Variants in PTPRD observed in about 807,000 individuals in gnomAD.
The protein encoded by PTPRD is receptor-type tyrosine-protein phosphatase delta.
In PTPRD, 34 loss-of-function variants were observed where a neutral mutation model predicts 214.5. The observed-to-expected ratio is 0.16, with a 90% confidence interval of 0.12 to 0.21. The LOEUF (loss-of-function observed/expected upper bound fraction) is 0.21. Ranked by LOEUF, PTPRD falls within the 10% of genes least tolerant of loss-of-function variation. PTPRD has a pLI of 1.00. For missense variants in PTPRD, 2,545 were observed against 2,398.7 expected (o/e 1.06, Z -1.27); for synonymous variants, 1,128 against 845.7 (o/e 1.33, Z -5.79).
chr9:9,623,510 T>G (rs1401229611), intron 7 of PTPRD, among the ~76,000 whole-genome samples: 3 of 152,214 alleles, frequency 2.0e-5, no homozygotes, highest in Admixed American at 2.0e-4. Flanking sequence ...ATTGAATCAC[T>G]GGATGAATGA....
intron 5 of PTPRD, among the ~76,000 whole-genome samples, chr9:9,930,946 A>G (rs1054258364): frequency 9.9e-5 from 15 of 152,072 alleles, no homozygotes; most frequent in African/African-American, 3.6e-4. Flanking sequence ...ACTCTCCCGA[A>G]TTCATAATTT....
chr9:8,362,388 CA>C (rs1397703136), intron 39 of PTPRD, among the ~76,000 whole-genome samples: 2 of 152,060 alleles, frequency 1.3e-5, no homozygotes, highest in Admixed American at 1.3e-4. Context: ...AGTCTGAAAC[CA>C]GGTCAATCAT....
At chr9:9,955,154 T>G (rs553852528) in intron 4 of PTPRD, among the ~76,000 whole-genome samples, 89 of 152,262 alleles carry the variant, frequency 5.8e-4, no homozygotes, top group African/African-American at 2.0e-3. Flanking sequence ...TCCTCTTAAG[T>G]AAGCACTGTC....
intron 10 of PTPRD, among the ~76,000 whole-genome samples, chr9:9,046,422 G>A (rs1028844201): frequency 1.6e-4 from 24 of 152,218 alleles, no homozygotes; most frequent in African/African-American, 3.6e-4. Context: ...AGCTGTTATC[G>A]TGAACTGAAT....
At position 8,315,169 on chromosome 9, in the gene PTPRD, GCA is replaced by G. The variant is rs372256278; in HGVS notation, c.*2703_*2704del. The G allele has an allele frequency of 5.2e-4, 120 of 232,712 alleles. 1 individual carries two copies. In the South Asian group the frequency reaches 0.019, roughly 37 times the overall value. The allele number at this position is 232,712 out of a possible 1,614,324, so 14.4% of individuals were successfully genotyped here. A position where few individuals can be genotyped will look rare whatever the true frequency, so the allele number is the denominator to read the frequency against. On this transcript the variant is annotated 3_prime_UTR_variant, in exon 46 of 46. Transcript: ENST00000381196. ...AAAACTTGAATGGTTGTACAGAAAA[GCA>G]CAGAGTGGAATGCACATCAATGACA...
intron 9 of PTPRD, among the ~76,000 whole-genome samples, chr9:9,275,044 CAT>C (rs1229473216): frequency 7.4e-5 from 7 of 94,926 alleles, no homozygotes; most frequent in African/African-American, 2.5e-4. Flanking sequence ...CCTTTGTTTC[CAT>C]ATATATATGT....
intron 5 of PTPRD, among the ~76,000 whole-genome samples, chr9:9,770,607 C>T (rs1446263013): frequency 1.3e-5 from 2 of 152,010 alleles, no homozygotes; most frequent in African/African-American, 2.4e-5. Flanking sequence ...ATGTCTCATT[C>T]CTATCATAAT....
chr9:9,062,839 A>T (rs192055922), intron 10 of PTPRD, among the ~76,000 whole-genome samples: 9 of 152,258 alleles, frequency 5.9e-5, no homozygotes, highest in African/African-American at 1.9e-4. Context: ...CTATTTTGCC[A>T]TCCCAGGCAG....
chr9:8,699,903 C>T (rs957310167), intron 12 of PTPRD, among the ~76,000 whole-genome samples: 5 of 152,134 alleles, frequency 3.3e-5, no homozygotes, highest in African/African-American at 1.2e-4. Context: ...TAAACATGGC[C>T]ATTTTGTAGG....
intron 36 of PTPRD, among the ~76,000 whole-genome samples, chr9:8,395,580 G>C (rs2090910446): frequency 6.6e-6 from 1 of 151,796 alleles, no homozygotes; most frequent in Non-Finnish European, 1.5e-5. Context: ...TGTTTGCCAG[G>C]GTATCCCCTG....
At chr9:10,430,106 T>G (rs2098663518) in intron 2 of PTPRD, among the ~76,000 whole-genome samples, 1 of 151,952 alleles carries the variant, frequency 6.6e-6, no homozygotes, top group Non-Finnish European at 1.5e-5. Flanking sequence ...CTTGAGTAAA[T>G]GTAGAACAAC....
Position 9,137,567 on chromosome 9 carries a change from C to T in PTPRD, c.-143+45737G>A, listed in dbSNP as rs116310607. On this transcript the variant is annotated intron_variant, in intron 10 of 45. Coordinates refer to ENST00000381196, the MANE Select transcript of PTPRD (RefSeq NM_002839.4). ...ACTCTCCATAGAATAATCAAGGGTG[C>T]ATATTGAAACCATGGATGAACTTCT... Among the ~76,000 whole-genome samples, 1,084 of 152,210 alleles carry T rather than the reference C, an allele frequency of 7.1e-3. 14 individuals are homozygous for T. Among genetic ancestry groups the T allele is most frequent in the African/African-American group, 0.025 (1,019 of 41,526 alleles).
intron 3 of PTPRD, among the ~76,000 whole-genome samples, chr9:10,294,973 GTTC>G (rs142741557): frequency 0.058 from 8,797 of 152,002 alleles, 839 homozygotes; most frequent in African/African-American, 0.2. Flanking sequence ...ACCATAGTAA[GTTC>G]TTCTAGTCAG....
chr9:9,930,888 T>G (rs549314195), intron 5 of PTPRD, among the ~76,000 whole-genome samples: 2 of 152,238 alleles, frequency 1.3e-5, no homozygotes, highest in African/African-American at 4.8e-5. Flanking sequence ...CAAATTTCTT[T>G]CCTTTTAAAG....
intron 11 of PTPRD, among the ~76,000 whole-genome samples, chr9:8,813,411 C>T (rs978695369): frequency 1.3e-5 from 2 of 152,158 alleles, no homozygotes; most frequent in Admixed American, 6.6e-5. Context: ...CATGCTATTC[C>T]TTTTCCTTCT....
At chr9:9,674,718 T>C (rs1458964869) in intron 7 of PTPRD, among the ~76,000 whole-genome samples, 2 of 151,782 alleles carry the variant, frequency 1.3e-5, no homozygotes, top group African/African-American at 4.8e-5. Flanking sequence ...GGTAATAAAA[T>C]GTCACTACAT....
Position 8,389,344 on chromosome 9 carries a change from T to C in PTPRD, c.4274A>G (p.Tyr1425Cys), listed in dbSNP as rs769310148. 3 of 1,613,222 alleles carry C rather than the reference T, an allele frequency of 1.9e-6. No individual in the cohort carries two copies. The change falls in exon 37 of 46, where the codon TAT becomes TGT. Residue 1425 changes from tyrosine to cysteine, a missense_variant. By Grantham distance (194) the Tyr-to-Cys change is radical. Coordinates refer to ENST00000381196, the MANE Select transcript of PTPRD (RefSeq NM_002839.4). ...YIDGYRKQNA[Y>C]IATQGSLPET... Reference sequence around the variant, plus strand: ...GGGGAGAGATCCCTGTGTTGCAATATAGGCATTTTGCTTCCTATACCCATC... The same window carrying C: ...GGGGAGAGATCCCTGTGTTGCAATACAGGCATTTTGCTTCCTATACCCATC...
At chr9:8,461,673 T>C (rs989456633) in intron 32 of PTPRD, among the ~76,000 whole-genome samples, 1 of 151,932 alleles carries the variant, frequency 6.6e-6, no homozygotes, top group African/African-American at 2.4e-5. Context: ...AGACAATTTT[T>C]CCAGATTTGC....
chr9:8,580,985 T>C (rs1041037828), intron 14 of PTPRD, among the ~76,000 whole-genome samples: 1 of 152,170 alleles, frequency 6.6e-6, no homozygotes, highest in Non-Finnish European at 1.5e-5. Flanking sequence ...TAATTTTCAA[T>C]AATGTAAAAA....
Sources: allele counts gnomAD v4.1 joint callset (sites outside exome capture counted in the v4.1 genomes callset), GRCh38; gene constraint gnomAD v4.1.1; transcripts MANE v1.5; gene names NCBI Gene and HGNC (gene_info 2026-07-23, HGNC 2026-07-21).